The following PES1 variants were observed in gnomAD, a reference collection of about 807,000 sequenced individuals.
PES1 encodes pescadillo ribosomal biogenesis factor 1, also known as pescadillo homolog.
In PES1, 31 loss-of-function variants were observed where a neutral mutation model predicts 77.1. That is an observed-to-expected ratio of 0.40 (90% CI 0.30 to 0.54). The LOEUF (loss-of-function observed/expected upper bound fraction) is 0.54. Ranked by LOEUF, PES1 falls within the 20% of genes least tolerant of loss-of-function variation. PES1 has a pLI of 0.45. For synonymous variants in PES1, 282 were observed against 303.0 expected (o/e 0.93, Z 0.72); for missense variants, 658 against 771.7 (o/e 0.85, Z 1.75).
chr22:30,595,034 C>T (rs1234588881), upstream of PES1, among the ~76,000 whole-genome samples: 1 of 152,064 alleles, frequency 6.6e-6, no homozygotes, highest in Non-Finnish European at 1.5e-5. Flanking sequence ...GTCTCCTGTC[C>T]AAATTTATAG....
At chr22:30,603,596 G>C (rs951566004) in intron 2 of PES1, among the ~76,000 whole-genome samples, 11 of 151,758 alleles carry the variant, frequency 7.2e-5, no homozygotes, top group Non-Finnish European at 1.6e-4. Flanking sequence ...TGGTCAGGCT[G>C]GTCTCGAACT....
intron 2 of PES1, among the ~76,000 whole-genome samples, chr22:30,597,056 C>CG (rs2087264764): frequency 6.6e-6 from 1 of 152,200 alleles, no homozygotes; most frequent in South Asian, 2.1e-4. Context: ...GCCGGCCCAC[C>CG]GGCGCTGCGC....
chr22:30,606,936 G>T (rs939735134), exon 1 of PES1: 4 of 1,049,078 alleles, frequency 3.8e-6, no homozygotes, highest in African/African-American at 1.7e-5. Flanking sequence ...GGAACAGCTG[G>T]GGGGACAGCA....
intron 14 of PES1, among the ~76,000 whole-genome samples, chr22:30,578,609 TGGGACGGAAGCC>T (rs1038374421): frequency 1.5e-4 from 23 of 151,852 alleles, no homozygotes; most frequent in Non-Finnish European, 1.3e-4. Context: ...GGATGCGGGG[TGGGACGGAAGCC>T]GTAAGGAAAG....
intron 10 of PES1, 52 bp downstream of exon 10, chr22:30,580,519 G>A (rs938921644): frequency 6.2e-7 from 1 of 1,607,878 alleles, no homozygotes; most frequent in South Asian, 1.1e-5. Context: ...GCAGGACCCA[G>A]ACCAGAGCAT....
Position 30,587,294 on chromosome 22 carries a change from G to C in PES1, c.360C>G (p.Ile120Met), listed in dbSNP as rs1243015123. The C allele has an allele frequency of 3.1e-6, 5 of 1,608,868 alleles. No homozygotes were observed. Among genetic ancestry groups the C allele is most frequent in the Non-Finnish European group, 4.3e-6 (5 of 1,175,622 alleles). ...AGGAAAGCCCGGCTCACCGTTCCTT[G>C]ATGATGTGGTCGAGTTTGTAGTTGG... ...NKPNYKLDHIIKERYPTFIDA... is the reference protein window; with the variant it reads ...NKPNYKLDHIMKERYPTFIDA... Residue 120 changes from isoleucine to methionine, a missense_variant, in exon 4 of 15, where the codon ATC (isoleucine) becomes ATG (methionine). Transcript: ENST00000354694.
At position 30,581,592 on chromosome 22, in the gene PES1, G is replaced by T. The variant is rs771403301; in HGVS notation, c.683C>A (p.Thr228Asn). ...GAAGTTGACAAAGCCCAGCAGCGTG[G>T]TGTAGAACTCGGTGAAGGTGGCCAT... ...RVMATFTEFY[T>N]TLLGFVNFRL... Residue 228 changes from threonine to asparagine, a missense_variant, in exon 7 of 15, where the codon ACC becomes AAC. Thr to Asn is a moderately conservative substitution (Grantham distance 65, BLOSUM62 0). Transcript: ENST00000354694. 1 of 1,613,880 alleles carries T rather than the reference G, an allele frequency of 6.2e-7. No individual in the cohort carries two copies. Among genetic ancestry groups the T allele is most frequent in the South Asian group, 1.1e-5 (1 of 91,064 alleles).
In PES1 at chr22:30,591,837, T is replaced by A; in HGVS notation, c.-4A>T. On this transcript the variant is annotated 5_prime_UTR_variant, in exon 1 of 15. Transcript: ENST00000354694. ...TCTTCTTCTCAAGGCCTCCCATCGC[T>A]CCACGTTGAGGAGCCGACTAGGGCC... 1 of 1,556,664 alleles carries A rather than the reference T, an allele frequency of 6.4e-7. No homozygotes were observed. The highest frequency in any genetic ancestry group is 8.7e-7 in the Non-Finnish European group (1 of 1,151,292).
chr22:30,600,664 AAATT>A (rs2087340864), intron 2 of PES1, among the ~76,000 whole-genome samples: 1 of 152,090 alleles, frequency 6.6e-6, no homozygotes. Flanking sequence ...AAACTACAAA[AAATT>A]AGCCAGGAGT....
At chr22:30,584,151 G>A (rs575924155) in intron 6 of PES1, 1 of 589,116 alleles carries the variant, frequency 1.7e-6, no homozygotes, top group East Asian at 2.9e-5. Context: ...CACGTCCAAG[G>A]GCACGCAGCT....
At chr22:30,596,662 C>T (rs1214488866), upstream of PES1, among the ~76,000 whole-genome samples, 7 of 152,210 alleles carry the variant, frequency 4.6e-5, no homozygotes, top group Admixed American at 4.6e-4. Context: ...TTTTATAAAC[C>T]GATGACTCTG....
chr22:30,606,261 C>T (rs1418104125), intron 1 of PES1, among the ~76,000 whole-genome samples: 5 of 152,080 alleles, frequency 3.3e-5, no homozygotes, highest in Non-Finnish European at 5.9e-5. Flanking sequence ...GACAGGGTCT[C>T]ACTTTGTCAC....
intron 8 of PES1, 72 bp downstream of exon 8, chr22:30,581,262 G>T: frequency 6.6e-7 from 1 of 1,513,528 alleles, no homozygotes; most frequent in Non-Finnish European, 9.1e-7. Context: ...CTCTGAACCA[G>T]ACCCCCAGAG....
upstream of PES1, among the ~76,000 whole-genome samples, chr22:30,592,981 G>A (rs1244497651): frequency 6.7e-6 from 1 of 148,876 alleles, no homozygotes; most frequent in Non-Finnish European, 1.5e-5. Context: ...TTTTTTAAAC[G>A]TTTCTCCCTT....
chr22:30,581,681 C>T, intron 6 of PES1, 37 bp from the exon 7 acceptor site: 1 of 1,437,078 alleles, frequency 7.0e-7, no homozygotes, highest in African/African-American at 1.4e-5. Context: ...AGTGTGGGTG[C>T]AGGGATGGGG....
intron 1 of PES1, among the ~76,000 whole-genome samples, chr22:30,590,277 A>C (rs1006067229): frequency 1.3e-5 from 2 of 152,188 alleles, no homozygotes; most frequent in Admixed American, 6.5e-5. Flanking sequence ...AGAGACAATC[A>C]GTGCACTGTA....
chr22:30,577,024 C>T lies in PES1; in HGVS notation c.*22G>A, dbSNP rs776980037. On this transcript the variant is annotated 3_prime_UTR_variant, in exon 15 of 15. Transcript: ENST00000354694. ...TCCAGCTGCTAGGGGCTGGCCTCAG[C>T]CCTGTGAGGGGCCGCAGGCACTCAC... The T allele has an allele frequency of 6.2e-7, 1 of 1,603,814 alleles. No individual in the cohort carries two copies. The highest frequency in any genetic ancestry group is 1.1e-5 in the South Asian group (1 of 90,854).
chr22:30,580,125 T>C lies in PES1; in HGVS notation c.1097A>G (p.Tyr366Cys), dbSNP rs750251303. The change falls in exon 11 of 15, where the codon TAT becomes TGT. Residue 366 changes from tyrosine to cysteine, a missense_variant. By Grantham distance (194) the Tyr-to-Cys change is radical. Transcript: ENST00000354694. ...GGTGATGCGGGAGTCTGTGACGTCATAGGTGGCCCCAATGCACAAAGATTT... is the reference window on the plus strand; with the variant it reads ...GGTGATGCGGGAGTCTGTGACGTCACAGGTGGCCCCAATGCACAAAGATTT... ...WDKSLCIGAT[Y>C]DVTDSRITHQ... 1 of 1,614,072 alleles carries C rather than the reference T, an allele frequency of 6.2e-7. No homozygotes were observed. Among genetic ancestry groups the C allele is most frequent in the East Asian group, 2.2e-5 (1 of 44,878 alleles).
At chr22:30,584,836 C>T (rs2087051639) in intron 4 of PES1, 119 bp from the exon 5 acceptor site, 6 of 1,001,462 alleles carry the variant, frequency 6.0e-6, no homozygotes, top group Non-Finnish European at 5.9e-6. Flanking sequence ...CCACTGCCAC[C>T]TCCTGACCTG....
Sources: gnomAD v4.1 joint callset for allele counts (sites outside exome capture counted in the v4.1 genomes callset) on GRCh38, gnomAD v4.1.1 for gene constraint, MANE v1.5 for transcripts, NCBI Gene and HGNC (gene_info 2026-07-23, HGNC 2026-07-21) for gene names.